Variants in TNK2 observed in about 807,000 individuals in gnomAD.
The protein encoded by TNK2 is activated CDC42 kinase 1.
In TNK2, 83 loss-of-function variants were observed where a neutral mutation model predicts 101.8. The observed-to-expected ratio is 0.82, with a 90% confidence interval of 0.68 to 0.98. The LOEUF (loss-of-function observed/expected upper bound fraction) is 0.98. TNK2 is among the 50% of genes least tolerant of loss of function. TNK2 has a pLI of 0.00. For missense variants in TNK2, 1,665 were observed against 1,483.2 expected, an observed-to-expected ratio of 1.12 and a Z score of -2.01; for synonymous variants, 804 against 633.0, an observed-to-expected ratio of 1.27 and a Z score of -4.06.
intron 9 of TNK2, among the ~76,000 whole-genome samples, chr3:195,875,629 C>A (rs1748661869): frequency 1.3e-5 from 2 of 149,238 alleles, no homozygotes; most frequent in Non-Finnish European, 1.5e-5. Flanking sequence ...GAGGCCAGCC[C>A]TTCCTTCCAG....
intron 2 of TNK2, among the ~76,000 whole-genome samples, chr3:195,887,780 C>T (rs1351554802): frequency 1.6e-5 from 2 of 126,254 alleles, no homozygotes; most frequent in African/African-American, 4.1e-5. Flanking sequence ...TGCGTCTGCG[C>T]GCGTGTGTGT....
In TNK2 at chr3:195,882,979, C is replaced by T. The variant is rs1044580348; in HGVS notation, c.609+178G>A. Among the ~76,000 whole-genome samples the T allele has an allele frequency of 6.6e-6, 1 of 152,240 alleles. No individual in the cohort carries two copies. The highest frequency in any genetic ancestry group is 2.1e-4 in the South Asian group (1 of 4,834). On this transcript the variant is annotated intron_variant, in intron 5 of 15. Transcript: ENST00000672887. The surrounding 1 kb of genome is among the most constrained non-coding windows in gnomAD (Gnocchi z 4.2). ...AATCCAGAGACAGACCCGGACTGGACCGCAGCAGACACAGCCCGTACCAGG... is the reference window on the plus strand; with the variant it reads ...AATCCAGAGACAGACCCGGACTGGATCGCAGCAGACACAGCCCGTACCAGG...
intron 1 of TNK2, among the ~76,000 whole-genome samples, chr3:195,899,845 G>C (rs1450967210): frequency 6.6e-6 from 1 of 152,172 alleles, no homozygotes; most frequent in Non-Finnish European, 1.5e-5. Flanking sequence ...GAAGGACTCA[G>C]TCTTTGTGAG....
At chr3:195,887,852 G>T (rs947307010) in intron 2 of TNK2, among the ~76,000 whole-genome samples, 20 of 98,874 alleles carry the variant, frequency 2.0e-4, no homozygotes, top group Admixed American at 1.1e-3. Context: ...GTGTGTGTGC[G>T]TGTCTGTGTG....
At chr3:195,884,441 G>A (rs993869833) in intron 4 of TNK2, 22 of 177,274 alleles carry the variant, frequency 1.2e-4, no homozygotes, top group Admixed American at 1.1e-3. Context: ...TCAGGAGTTC[G>A]AGACCAGCCT....
chr3:195,895,232 G>A (rs1156402083), intron 1 of TNK2: 12 of 1,528,668 alleles, frequency 7.8e-6, no homozygotes, highest in Non-Finnish European at 1.1e-5. Flanking sequence ...CTATCCCCTA[G>A]CCTTCCCCAT....
intron 1 of TNK2, chr3:195,908,069 C>A (rs1321646144): frequency 2.6e-5 from 4 of 152,490 alleles, no homozygotes; most frequent in Non-Finnish European, 4.4e-5. Flanking sequence ...GTTAATCCCA[C>A]GCTGCCCTCT....
At chr3:195,877,750 A>AG (rs1750228205) in intron 9 of TNK2, among the ~76,000 whole-genome samples, 1 of 151,970 alleles carries the variant, frequency 6.6e-6, no homozygotes, top group Admixed American at 6.6e-5. Flanking sequence ...GGTCCTCCCA[A>AG]GGGGAGATGG....
At chr3:195,884,714 A>G in intron 4 of TNK2, 98 bp downstream of exon 4, 2 of 1,126,758 alleles carry the variant, frequency 1.8e-6, no homozygotes, top group Non-Finnish European at 2.5e-6. Context: ...ACTGTGACGC[A>G]TCCCCAGTCC....
In TNK2 at chr3:195,889,424, G is replaced by A. The variant is rs936742362; in HGVS notation, c.-18-818C>T. Among the ~76,000 whole-genome samples, 4 of 152,154 alleles carry A rather than the reference G, an allele frequency of 2.6e-5. No individual in the cohort carries two copies. The South Asian group carries it at 6.2e-4, about 24-fold the overall frequency. On this transcript the variant is annotated intron_variant, in intron 1 of 15. Coordinates refer to ENST00000672887, the MANE Select transcript of TNK2 (RefSeq NM_001382273.1). ...ATATTCAGAAGGCACACTGAGCCAC[G>A]AATCTCATTCCCTCCCCAGCTGCAC...
intron 1 of TNK2, among the ~76,000 whole-genome samples, chr3:195,892,233 G>A (rs1353414765): frequency 6.6e-6 from 1 of 152,224 alleles, no homozygotes; most frequent in African/African-American, 2.4e-5. Flanking sequence ...CAAACACACA[G>A]GCCAAGAAGA....
In TNK2 at chr3:195,885,687, A is replaced by G; in HGVS notation, c.235-654T>C. ...CGCCTAGAGCTGAGGGCTGAGACGGAAGGAAAAGTGGAGGAGACTCGGAGG... is the reference window on the plus strand; with the variant it reads ...CGCCTAGAGCTGAGGGCTGAGACGGGAGGAAAAGTGGAGGAGACTCGGAGG... On this transcript the variant is annotated intron_variant, in intron 3 of 15. Transcript: ENST00000672887. This position sits in a 1 kb window ranked among gnomAD's most constrained non-coding sequence, Gnocchi z 4.7. 1.1e-6 allele frequency: 1 copy of G among 893,638 alleles called. No individual in the cohort carries two copies. Among genetic ancestry groups the G allele is most frequent in the Non-Finnish European group, 1.6e-6 (1 of 639,726 alleles). The allele number at this position is 893,638 out of a possible 1,614,324, so 55.4% of individuals were successfully genotyped here.
In TNK2 at chr3:195,868,055, C is replaced by A; in HGVS notation, c.2243G>T (p.Gly748Val). ...AGGAGGCACCTGGGGCTTGTCGTCA[C>A]CCCCCGGGCTGGGAGAGGGGGCCGG... ...GSPAPSPSPG[G>V]DDKPQVPPRV... The change falls in exon 13 of 16, where the codon GGT becomes GTT. Residue 748 changes from glycine to valine, a missense_variant. Physicochemically the swap from Gly to Val is moderately radical, Grantham distance 109. Coordinates refer to ENST00000672887, the MANE Select transcript of TNK2 (RefSeq NM_001382273.1). 1.3e-6 allele frequency: 2 copies of A among 1,599,086 alleles called. No homozygotes were observed. The highest frequency in any genetic ancestry group is 1.7e-4 in the Middle Eastern group (1 of 6,044).
intron 1 of TNK2, chr3:195,896,342 C>T (rs1760501384): frequency 3.3e-6 from 1 of 306,352 alleles, no homozygotes; most frequent in Non-Finnish European, 6.5e-6. Flanking sequence ...CCTCTCCTCC[C>T]CACGCAGCGT....
chr3:195,870,095 G>A lies in TNK2; in HGVS notation c.1543+19C>T, dbSNP rs1162950155. ...GTAGCCGATGAGTTAGGGACACCAG[G>A]GAGCAGAGGGGCTCTTACTTTTCAC... On this transcript the variant is annotated intron_variant, in intron 11 of 15. Coordinates refer to ENST00000672887, the MANE Select transcript of TNK2 (RefSeq NM_001382273.1). 4 of 1,449,136 alleles carry A rather than the reference G, an allele frequency of 2.8e-6. No homozygotes were observed. The highest frequency in any genetic ancestry group is 3.7e-6 in the Non-Finnish European group (4 of 1,095,444). 89.8% of individuals were successfully genotyped at this position (1,449,136 alleles called of 1,614,324 possible).
intron 15 of TNK2, among the ~76,000 whole-genome samples, chr3:195,864,745 G>C (rs1311051536): frequency 2.3e-5 from 3 of 129,170 alleles, no homozygotes; most frequent in East Asian, 2.4e-4. Flanking sequence ...ACAGGTGACA[G>C]CGAGTGCCTG....
In TNK2 at chr3:195,888,935, C is replaced by T. The variant is rs1260907905; in HGVS notation, c.-18-329G>A. Among the ~76,000 whole-genome samples, 1 of 152,132 alleles carries T rather than the reference C, an allele frequency of 6.6e-6. No individual in the cohort carries two copies. The highest frequency in any genetic ancestry group is 2.4e-5 in the African/African-American group (1 of 41,418). Reference sequence around the variant, plus strand: ...TCTAAGTTTCTAGGGGTCGAAAGTCCTTGAAAATCTTTTAAAAACTAACAG... The same window carrying T: ...TCTAAGTTTCTAGGGGTCGAAAGTCTTTGAAAATCTTTTAAAAACTAACAG... On this transcript the variant is annotated intron_variant, in intron 1 of 15. Coordinates refer to ENST00000672887, the MANE Select transcript of TNK2 (RefSeq NM_001382273.1). The surrounding 1 kb of genome is among the most constrained non-coding windows in gnomAD (Gnocchi z 5.3).
In TNK2 at chr3:195,892,533, G is replaced by A. The variant is rs1022613640; in HGVS notation, c.-18-3927C>T. On this transcript the variant is annotated intron_variant, in intron 1 of 15. Transcript: ENST00000672887. ...CCCGAGCAGTCACTGGGGATCCAGT[G>A]GCCTCGGCTCCGGAGCTTCGCACTC... The A allele has an allele frequency of 3.3e-6, 5 of 1,530,362 alleles. No homozygotes were observed. In the African/African-American group the frequency reaches 6.9e-5, roughly 21 times the overall value. 94.8% of individuals were successfully genotyped at this position (1,530,362 alleles called of 1,614,324 possible).
At chr3:195,869,670 T>A in intron 11 of TNK2, 129 bp from the exon 12 acceptor site, 1 of 959,748 alleles carries the variant, frequency 1.0e-6, no homozygotes, top group South Asian at 1.4e-5. Flanking sequence ...GGCGAGTGAA[T>A]GTACAAGCCC....
Sources: gnomAD v4.1 joint callset for allele counts (sites outside exome capture counted in the v4.1 genomes callset) on GRCh38, gnomAD v4.1.1 for gene constraint, Gnocchi (gnomAD v3.1) non-coding constraint, MANE v1.5 for transcripts, NCBI Gene and HGNC (gene_info 2026-07-23, HGNC 2026-07-21) for gene names.